Variants in ZNF362 observed in about 807,000 individuals in gnomAD.
ZNF362 encodes the protein zinc finger protein 362.
In ZNF362, 11 loss-of-function variants were observed where a neutral mutation model predicts 42.9. The observed-to-expected ratio is 0.26, with a 90% confidence interval of 0.16 to 0.42. The LOEUF is 0.42. ZNF362 is among the 20% of genes least tolerant of loss of function. ZNF362 has a pLI of 1.00. For missense variants in ZNF362, 362 were observed against 576.2 expected (o/e 0.63, Z 3.81); for synonymous variants, 255 against 257.3 (o/e 0.99, Z 0.09).
At chr1:33,290,085 G>C (rs970651016) in intron 6 of ZNF362, among the ~76,000 whole-genome samples, 2 of 152,118 alleles carry the variant, frequency 1.3e-5, no homozygotes, top group African/African-American at 2.4e-5. Flanking sequence ...CTGTGGCTGG[G>C]TGGGTTTTTT....
At chr1:33,193,004 C>CACACACACACATATAT in the ZNF362 span, among the ~76,000 whole-genome samples, 38 of 137,290 alleles carry the variant, frequency 2.8e-4, no homozygotes, top group Non-Finnish European at 2.5e-4. Context: ...CACACACACA[C>CACACACACACATATAT]ATATATATAT....
rs1361335460 is a variant in ZNF362 at position 33,276,434 on chromosome 1, C to T, written c.189C>T (p.Ala63=). 36 of 1,581,292 alleles carry T rather than the reference C, an allele frequency of 2.3e-5. No homozygotes were observed. The East Asian group carries it at 3.3e-4, about 14-fold the overall frequency. The change falls in exon 4 of 9, where the codon GCC becomes GCT. Residue 63 remains alanine (A), a synonymous_variant. Coordinates refer to ENST00000539719, the MANE Select transcript of ZNF362 (RefSeq NM_152493.3). ...CGCCTCACCTGCCGCCCACGTCGGC[C>T]TCGTCGCAGCAGCCGTTGCTAGTGC... ...IRPPHLPPTS[A]SSQQPLLVPP... is the part of the protein sequence containing the mutation.
At chr1:33,270,393 A>G in intron 1 of ZNF362, 94 bp from the exon 2 acceptor site, 1 of 568,758 alleles carries the variant, frequency 1.8e-6, no homozygotes, top group East Asian at 3.0e-5. Flanking sequence ...ATGAATCATG[A>G]CATATTCAAC....
intron 6 of ZNF362, among the ~76,000 whole-genome samples, chr1:33,284,449 A>G (rs1299750978): frequency 1.3e-5 from 2 of 152,272 alleles, no homozygotes. Context: ...TGATCGTAAA[A>G]GAAAAGGGTC....
At chr1:33,272,344 G>A (rs1645910504) in intron 2 of ZNF362, among the ~76,000 whole-genome samples, 1 of 152,142 alleles carries the variant, frequency 6.6e-6, no homozygotes, top group Non-Finnish European at 1.5e-5. Context: ...GTTCTTTCCA[G>A]TTGGCTCAGG....
At chr1:33,196,028 T>A in the ZNF362 span, 2 of 152,174 alleles carry the variant, frequency 1.3e-5, no homozygotes, top group Admixed American at 6.5e-5. Flanking sequence ...TCTATAAGCC[T>A]TTTTGTATTT....
chr1:33,213,030 AG>A, the ZNF362 span, among the ~76,000 whole-genome samples: 2 of 152,260 alleles, frequency 1.3e-5, no homozygotes, highest in Non-Finnish European at 2.9e-5. Context: ...GGCAATAAAA[AG>A]GATAAATTTT....
the ZNF362 span, chr1:33,195,957 CTT>C: frequency 6.6e-6 from 1 of 152,106 alleles, no homozygotes; most frequent in Non-Finnish European, 1.5e-5. Context: ...TGTAATAACA[CTT>C]AGCTTAAAAC....
upstream of ZNF362, among the ~76,000 whole-genome samples, chr1:33,251,549 A>C (rs1434309935): frequency 6.6e-6 from 1 of 152,066 alleles, no homozygotes; most frequent in Non-Finnish European, 1.5e-5. Context: ...CTGCCATATC[A>C]CATCTCTGCT....
the ZNF362 span, among the ~76,000 whole-genome samples, chr1:33,171,056 G>A: frequency 0.67 from 101,424 of 151,928 alleles, 34,603 homozygotes; most frequent in Non-Finnish European, 0.73. Context: ...GCAGGAAGAG[G>A]CTGCAGGGAC....
chr1:33,219,800 A>G, the ZNF362 span, among the ~76,000 whole-genome samples: 5 of 151,970 alleles, frequency 3.3e-5, no homozygotes, highest in African/African-American at 9.7e-5. Flanking sequence ...CACCTGAAAA[A>G]CCTGGGTCTA....
At chr1:33,152,937 G>A in the ZNF362 span, among the ~76,000 whole-genome samples, 1 of 151,970 alleles carries the variant, frequency 6.6e-6, no homozygotes. Flanking sequence ...TGGCCTGGCT[G>A]AGGAGGCAGT....
At chr1:33,287,363 G>A (rs1421471886) in intron 6 of ZNF362, among the ~76,000 whole-genome samples, 2 of 152,196 alleles carry the variant, frequency 1.3e-5, no homozygotes, top group East Asian at 3.8e-4. Flanking sequence ...AGCATGTGTT[G>A]TAGCTCCAGC....
At chr1:33,274,996 A>T in intron 2 of ZNF362, 2 of 985,428 alleles carry the variant, frequency 2.0e-6, no homozygotes, top group Non-Finnish European at 2.4e-6. Flanking sequence ...CTACCATTCC[A>T]ATAGGGGTTT....
At chr1:33,130,900 C>G in the ZNF362 span, among the ~76,000 whole-genome samples, 1 of 152,100 alleles carries the variant, frequency 6.6e-6, no homozygotes, top group South Asian at 2.1e-4. Flanking sequence ...GGAAAAAGAA[C>G]AGAAGACATT....
At chr1:33,183,693 G>A in the ZNF362 span, among the ~76,000 whole-genome samples, 18 of 152,172 alleles carry the variant, frequency 1.2e-4, no homozygotes, top group Non-Finnish European at 2.4e-4. Context: ...TTCAGGAAAT[G>A]GTCTCTTTAC....
the ZNF362 span, among the ~76,000 whole-genome samples, chr1:33,193,004 C>CACACACACACACATATAT: frequency 8.7e-5 from 12 of 137,202 alleles, no homozygotes; most frequent in Admixed American, 3.7e-4. Flanking sequence ...CACACACACA[C>CACACACACACACATATAT]ATATATATAT....
chr1:33,250,403 G>A, the ZNF362 span, among the ~76,000 whole-genome samples: 1 of 152,324 alleles, frequency 6.6e-6, no homozygotes, highest in East Asian at 1.9e-4. Flanking sequence ...ATACTATGCA[G>A]CCATAAAAAG....
the ZNF362 span, chr1:33,142,128 C>G: frequency 1.3e-5 from 2 of 152,308 alleles, no homozygotes; most frequent in African/African-American, 4.8e-5. Context: ...CACCTCCCAC[C>G]TCCCTCCTAG....
Sources: allele counts gnomAD v4.1 joint callset (sites outside exome capture counted in the v4.1 genomes callset), GRCh38; gene constraint gnomAD v4.1.1; transcripts MANE v1.5; gene names NCBI Gene and HGNC (gene_info 2026-07-23, HGNC 2026-07-21).